Variants in SLC23A2 observed in about 807,000 individuals in gnomAD.
The protein encoded by SLC23A2 is Na(+)/L-ascorbic acid transporter 2.
A neutral mutation model predicts 73.3 loss-of-function variants in SLC23A2; 36 were observed. The observed-to-expected ratio is 0.49, with a 90% CI of 0.38 to 0.65. SLC23A2 has a LOEUF of 0.65. Ranked by LOEUF, SLC23A2 falls within the 30% of genes least tolerant of loss-of-function variation. The pLI, the probability that SLC23A2 is intolerant of heterozygous loss-of-function variation, is 0.00. For synonymous variants in SLC23A2, 343 were observed against 327.3 expected, an observed-to-expected ratio of 1.05 and a Z score of -0.52; for missense variants, 507 against 841.6, an observed-to-expected ratio of 0.60 and a Z score of 4.92.
At chr20:4,960,595 G>A (rs755025965) in intron 2 of SLC23A2, among the ~76,000 whole-genome samples, 24 of 152,196 alleles carry the variant, frequency 1.6e-4, no homozygotes, top group African/African-American at 5.5e-4. Flanking sequence ...AGGTTGTAGC[G>A]CACGCGCACA....
intron 1 of SLC23A2, among the ~76,000 whole-genome samples, chr20:4,991,852 T>C (rs956483131): frequency 6.6e-6 from 1 of 152,048 alleles, no homozygotes; most frequent in African/African-American, 2.4e-5. Context: ...ATTATAAAGA[T>C]GACAAGTCTC....
chr20:4,879,346 T>C (rs1022891085), intron 9 of SLC23A2, among the ~76,000 whole-genome samples: 1 of 139,038 alleles, frequency 7.2e-6, no homozygotes, highest in African/African-American at 2.9e-5. Context: ...GAGGTGGTGG[T>C]TGCAGTAAGC....
chr20:4,871,349 C>G (rs1930439315), intron 11 of SLC23A2, among the ~76,000 whole-genome samples: 1 of 151,944 alleles, frequency 6.6e-6, no homozygotes, highest in Non-Finnish European at 1.5e-5. Flanking sequence ...GAAGTCGGGC[C>G]CTGGCCAGGG....
chr20:4,879,408 C>CAAAAAAAAAAAAAAAAAAAA (rs111565515), intron 9 of SLC23A2, among the ~76,000 whole-genome samples: 2 of 43,006 alleles, frequency 4.7e-5, no homozygotes, highest in African/African-American at 9.0e-5. Context: ...AACTCTGTCT[C>CAAAAAAAAAAAAAAAAAAAA]AAAAAAAAAA....
rs139762385 is a variant in SLC23A2 at position 4,984,941 on chromosome 20, G to A, written c.-281-14022C>T. ...ATCATGAGGTCAAGAGATCGAGACC[G>A]TCCTGGCCAACACGGTGAAACCCTG... is the stretch of plus-strand genomic sequence containing the variant. On this transcript the variant is annotated intron_variant, in intron 1 of 16. Coordinates refer to ENST00000338244, the MANE Select transcript of SLC23A2 (RefSeq NM_005116.6). 8.4e-3 allele frequency among the ~76,000 whole-genome samples: 1,282 copies of A among 152,056 alleles called. 46 individuals carry two copies. The South Asian group carries it at 0.14, about 16-fold the overall frequency.
At chr20:4,949,948 T>G (rs1243376978) in intron 2 of SLC23A2, among the ~76,000 whole-genome samples, 6 of 152,348 alleles carry the variant, frequency 3.9e-5, no homozygotes, top group African/African-American at 1.4e-4. Flanking sequence ...GTCCTGGTAC[T>G]CAGCATGAGA....
chr20:4,912,667 C>CAAAAAAAAAA (rs36084071), intron 4 of SLC23A2, among the ~76,000 whole-genome samples: 1 of 73,994 alleles, frequency 1.4e-5, no homozygotes, highest in Non-Finnish European at 3.2e-5. Flanking sequence ...TTAAAACAAT[C>CAAAAAAAAAA]AAAAAAAAAA....
intron 11 of SLC23A2, among the ~76,000 whole-genome samples, chr20:4,871,291 A>G (rs901207173): frequency 6.6e-6 from 1 of 152,168 alleles, no homozygotes; most frequent in Non-Finnish European, 1.5e-5. Flanking sequence ...AATGGAGGCA[A>G]GCTGAGCTGG....
chr20:4,864,614 T>G (rs1930120252), intron 13 of SLC23A2, among the ~76,000 whole-genome samples: 1 of 152,374 alleles, frequency 6.6e-6, no homozygotes, highest in South Asian at 2.1e-4. Context: ...ATGTAATTAT[T>G]TGATCAAGCT....
intron 2 of SLC23A2, among the ~76,000 whole-genome samples, chr20:4,933,890 G>T (rs1932816423): frequency 6.6e-6 from 1 of 152,140 alleles, no homozygotes; most frequent in Admixed American, 6.6e-5. Context: ...AATAAGTTTG[G>T]AAATACAAGT....
chr20:4,958,647 C>G (rs1400933272), intron 2 of SLC23A2, among the ~76,000 whole-genome samples: 4 of 151,782 alleles, frequency 2.6e-5, no homozygotes, highest in African/African-American at 7.3e-5. Flanking sequence ...AGGTTGGTCT[C>G]AAACTCCTGA....
At chr20:4,878,914 C>T (rs1420190230) in intron 9 of SLC23A2, among the ~76,000 whole-genome samples, 1 of 152,138 alleles carries the variant, frequency 6.6e-6, no homozygotes, top group Non-Finnish European at 1.5e-5. Context: ...GTCACCATCC[C>T]CTCTCCTCTC....
intron 5 of SLC23A2, among the ~76,000 whole-genome samples, chr20:4,901,539 G>A (rs1182872871): frequency 2.0e-5 from 3 of 152,146 alleles, no homozygotes; most frequent in Non-Finnish European, 4.4e-5. Flanking sequence ...AAGGGAAAAG[G>A]GTGCTGAAGA....
At chr20:4,895,618 G>A (rs1032868792) in intron 6 of SLC23A2, among the ~76,000 whole-genome samples, 12 of 152,186 alleles carry the variant, frequency 7.9e-5, no homozygotes, top group Non-Finnish European at 1.6e-4. Flanking sequence ...CAAAGGAAAC[G>A]GGGCTCGAGG....
At chr20:4,877,311 G>T (rs1365978106) in intron 9 of SLC23A2, among the ~76,000 whole-genome samples, 1 of 151,328 alleles carries the variant, frequency 6.6e-6, no homozygotes, top group Non-Finnish European at 1.5e-5. Flanking sequence ...CATTTTTTTT[G>T]GTAGCAGCAA....
At chr20:4,865,807 T>C (rs1259865797) in intron 13 of SLC23A2, among the ~76,000 whole-genome samples, 1 of 152,108 alleles carries the variant, frequency 6.6e-6, no homozygotes, top group African/African-American at 2.4e-5. Flanking sequence ...CATCCTCCAA[T>C]ATACTTTATT....
chr20:4,893,096 G>T (rs995435256), intron 6 of SLC23A2, among the ~76,000 whole-genome samples: 3 of 151,024 alleles, frequency 2.0e-5, no homozygotes, highest in African/African-American at 7.3e-5. Flanking sequence ...ACAGGATCTC[G>T]CTCTGTCTCC....
At chr20:4,982,148 C>G (rs1394204481) in intron 1 of SLC23A2, among the ~76,000 whole-genome samples, 1 of 151,916 alleles carries the variant, frequency 6.6e-6, no homozygotes, top group Non-Finnish European at 1.5e-5. Flanking sequence ...GCGTGTATCA[C>G]CACGCCCAGC....
chr20:4,954,698 C>CAG (rs2087255633), intron 2 of SLC23A2, among the ~76,000 whole-genome samples: 2 of 55,130 alleles, frequency 3.6e-5, no homozygotes, highest in African/African-American at 1.1e-4. Context: ...GACTCCATCA[C>CAG]AAAAAAAAAA....
Sources: gnomAD v4.1 joint callset for allele counts (sites outside exome capture counted in the v4.1 genomes callset) on GRCh38, gnomAD v4.1.1 for gene constraint, MANE v1.5 for transcripts, NCBI Gene and HGNC (gene_info 2026-07-23, HGNC 2026-07-21) for gene names.